GSDME: variants seen among roughly 807,000 people sequenced by gnomAD.
The protein encoded by GSDME is gasdermin-E.
In GSDME, 44 loss-of-function variants were observed where a neutral mutation model predicts 47.5. The observed-to-expected ratio is 0.93, with a 90% CI of 0.73 to 1.19. The LOEUF (loss-of-function observed/expected upper bound fraction) is 1.19. GSDME is among the 50% of genes most tolerant of loss of function. The pLI, the probability that GSDME is intolerant of heterozygous loss-of-function variation, is 0.00. For missense variants in GSDME, 663 were observed against 604.2 expected (o/e 1.10, Z -1.02); for synonymous variants, 258 against 252.8 (o/e 1.02, Z -0.20).
chr7:24,764,286 A>C, the GSDME span, among the ~76,000 whole-genome samples: 1 of 152,240 alleles, frequency 6.6e-6, no homozygotes, highest in East Asian at 1.9e-4. This position sits in a 1 kb window ranked among gnomAD's most constrained non-coding sequence, Gnocchi z 4.4. Flanking sequence ...GATGGAAAAG[A>C]AAACAACCCT....
intron 6 of GSDME, among the ~76,000 whole-genome samples, chr7:24,709,957 C>A (rs1196713354): frequency 6.6e-6 from 1 of 152,200 alleles, no homozygotes; most frequent in Non-Finnish European, 1.5e-5. Flanking sequence ...CCCCTGACTG[C>A]CTCACTCTTC....
chr7:24,708,273 C>G lies in GSDME; in HGVS notation c.863-19G>C. On this transcript the variant is annotated intron_variant, in intron 6 of 9. Transcript: ENST00000645220. ...AGGGTCGCTGTGAAAACAAAGCACACCCAAGTCTCATGACTGCGATGCACA... is the reference window on the plus strand; with the variant it reads ...AGGGTCGCTGTGAAAACAAAGCACAGCCAAGTCTCATGACTGCGATGCACA... The G allele has an allele frequency of 6.2e-7, 1 of 1,613,802 alleles. No homozygotes were observed. The highest frequency in any genetic ancestry group is 8.5e-7 in the Non-Finnish European group (1 of 1,180,014).
At position 24,710,336 on chromosome 7, in the gene GSDME, A is replaced by G; in HGVS notation, c.750T>C (p.Ile250=). ...CCAGGGGGTCCAGGTAGACAGAGTC[A>G]ATTCTCTTCTTGTTCTCGAAGCCAC... ...KQGGFENKKR[I]DSVYLDPLVF... is the part of the protein sequence containing the mutation. The change falls in exon 6 of 10, where the codon ATT becomes ATC. Residue 250 remains isoleucine, a synonymous_variant. Coordinates refer to ENST00000645220, the MANE Select transcript of GSDME (RefSeq NM_001127453.2). 6.2e-7 allele frequency: 1 copy of G among 1,614,264 alleles called. No individual in the cohort carries two copies. Among genetic ancestry groups the G allele is most frequent in the South Asian group, 1.1e-5 (1 of 91,080 alleles).
In GSDME at chr7:24,706,403, A is replaced by G. The variant is rs2269812; in HGVS notation, c.991-27T>C. 0.15 allele frequency: 234,105 copies of G among 1,605,302 alleles called. 18,573 individuals are homozygous for G. The highest frequency in any genetic ancestry group is 0.28 in the Admixed American group (16,608 of 58,978). ...TGTAGGGCAGGGAAGAAGAAGGGTC[A>G]TGACACAGCTGGAGACCAAGCGCCA... On this transcript the variant is annotated intron_variant, in intron 7 of 9. Coordinates refer to ENST00000645220, the MANE Select transcript of GSDME (RefSeq NM_001127453.2).
chr7:24,763,032 C>G, the GSDME span, among the ~76,000 whole-genome samples: 1 of 152,158 alleles, frequency 6.6e-6, no homozygotes, highest in Admixed American at 6.5e-5. This position sits in a 1 kb window ranked among gnomAD's most constrained non-coding sequence, Gnocchi z 4.3. Flanking sequence ...AGGATGCATT[C>G]CAACACTCCC....
chr7:24,699,447 A>ATTCTT (rs1554321067), intron 9 of GSDME, among the ~76,000 whole-genome samples, 188 bp from the exon 10 acceptor site: 1 of 152,092 alleles, frequency 6.6e-6, no homozygotes, highest in East Asian at 1.9e-4. Context: ...GGTTCAAGCG[A>ATTCTT]TTCTTTTGCC....
chr7:24,698,987 C>T lies in GSDME; in HGVS notation c.*39G>A, dbSNP rs1788746000. ...GACCTTTAACAGTTCTGAAAAATAG[C>T]CTTGGCCAGTAACACGTACTTCTAG... On this transcript the variant is annotated 3_prime_UTR_variant, in exon 10 of 10. Coordinates refer to ENST00000645220, the MANE Select transcript of GSDME (RefSeq NM_001127453.2). The T allele has an allele frequency of 2.1e-6, 3 of 1,398,146 alleles. No individual in the cohort carries two copies. Among genetic ancestry groups the T allele is most frequent in the African/African-American group, 1.4e-5 (1 of 70,368 alleles). The allele number at this position is 1,398,146 out of a possible 1,614,324, so 86.6% of individuals were successfully genotyped here.
At chr7:24,748,130 A>C (rs898529784) in intron 2 of GSDME, among the ~76,000 whole-genome samples, 7 of 147,728 alleles carry the variant, frequency 4.7e-5, no homozygotes, top group Non-Finnish European at 7.4e-5. Flanking sequence ...AGGAGTGTAT[A>C]AAAATTATAT....
At chr7:24,773,612 T>A in the GSDME span, among the ~76,000 whole-genome samples, 17 of 152,362 alleles carry the variant, frequency 1.1e-4, no homozygotes, top group East Asian at 3.3e-3. The surrounding 1 kb of genome is among the most constrained non-coding windows in gnomAD (Gnocchi z 5.4). Flanking sequence ...CACAGTCATG[T>A]TGTAACTTGT....
intron 7 of GSDME, 122 bp from the exon 8 acceptor site, chr7:24,706,498 C>T (rs771524227): frequency 1.1e-5 from 10 of 903,254 alleles, no homozygotes; most frequent in Admixed American, 2.5e-5. Context: ...AAGTACGACC[C>T]GCAGCTCTTC....
intron 2 of GSDME, among the ~76,000 whole-genome samples, chr7:24,748,298 T>G (rs1790744137): frequency 1.3e-5 from 2 of 151,976 alleles, no homozygotes; most frequent in South Asian, 4.2e-4. Flanking sequence ...TAGCTGGGAT[T>G]ACAGGTGCCT....
rs1341452932 is a variant in GSDME, at chr7:24,725,539, A to T, written c.405-6321T>A. On this transcript the variant is annotated intron_variant, in intron 3 of 9. Transcript: ENST00000645220. The surrounding 1 kb of genome is among the most constrained non-coding windows in gnomAD (Gnocchi z 5.1). The stretch of plus-strand genomic sequence containing the variant: ...CAAGAGCCAAGCTCTTGAGTGAGCA[A>T]TTCCTGTCCCGTTTAAGGGCTCACA... 6.6e-6 allele frequency among the ~76,000 whole-genome samples: 1 copy of T among 152,050 alleles called. No homozygotes were observed. The highest frequency in any genetic ancestry group is 6.6e-5 in the Admixed American group (1 of 15,262).
chr7:24,747,554 A>G (rs1380914382), intron 2 of GSDME, among the ~76,000 whole-genome samples: 1 of 152,250 alleles, frequency 6.6e-6, no homozygotes, highest in Non-Finnish European at 1.5e-5. Flanking sequence ...CAAGTGTTCA[A>G]AAAGTTTCCA....
rs187320686 is a variant in GSDME at position 24,712,740 on chromosome 7, C to G, written c.698-2352G>C. On this transcript the variant is annotated intron_variant, in intron 5 of 9. Transcript: ENST00000645220. The surrounding 1 kb of genome is among the most constrained non-coding windows in gnomAD (Gnocchi z 4.4). ...CAACAGACAGATTAACAAGAGAGGC[C>G]AGGCACGGTGGCTCACACCTATAAT... Among the ~76,000 whole-genome samples, 16 of 152,282 alleles carry G rather than the reference C, an allele frequency of 1.1e-4. 1 individual carries two copies. The highest frequency in any genetic ancestry group is 3.6e-4 in the African/African-American group (15 of 41,544).
At chr7:24,713,818 CTG>C (rs1235036084) in intron 5 of GSDME, among the ~76,000 whole-genome samples, 1 of 152,198 alleles carries the variant, frequency 6.6e-6, no homozygotes. Context: ...AGTTACGAGT[CTG>C]TGGCAGAGCC....
chr7:24,702,836 G>A lies in GSDME; in HGVS notation c.1184-3C>T. 6.2e-7 allele frequency: 1 copy of A among 1,612,332 alleles called. No individual in the cohort carries two copies. Among genetic ancestry groups the A allele is most frequent in the South Asian group, 1.1e-5 (1 of 90,976 alleles). ...AGCTGCTGCGCTATCTGGCATTTCTGCAGGAGAGAAAAATCACAGTCACAG... is the reference window on the plus strand; with the variant it reads ...AGCTGCTGCGCTATCTGGCATTTCTACAGGAGAGAAAAATCACAGTCACAG... On this transcript the variant is annotated splice_polypyrimidine_tract_variant and splice_region_variant and intron_variant, in intron 8 of 9. Coordinates refer to ENST00000645220, the MANE Select transcript of GSDME (RefSeq NM_001127453.2).
chr7:24,773,578 G>A, the GSDME span, among the ~76,000 whole-genome samples: 3 of 152,180 alleles, frequency 2.0e-5, no homozygotes, highest in East Asian at 1.9e-4. This position sits in a 1 kb window ranked among gnomAD's most constrained non-coding sequence, Gnocchi z 5.4. Flanking sequence ...CAGATCTAAC[G>A]AATTTTTAAG....
Position 24,728,306 on chromosome 7 carries a change from C to T in GSDME, c.405-9088G>A, listed in dbSNP as rs531812706. 3.3e-5 allele frequency among the ~76,000 whole-genome samples: 5 copies of T among 152,278 alleles called. No individual in the cohort carries two copies. The South Asian group carries it at 8.3e-4, about 25-fold the overall frequency. ...GGACAGATGGCGGCTGCCACAGGGGCCCACAGAGCCACCGAACTGACCTTC... is the reference window on the plus strand; with the variant it reads ...GGACAGATGGCGGCTGCCACAGGGGTCCACAGAGCCACCGAACTGACCTTC... On this transcript the variant is annotated intron_variant, in intron 3 of 9. Coordinates refer to ENST00000645220, the MANE Select transcript of GSDME (RefSeq NM_001127453.2). The surrounding 1 kb of genome is among the most constrained non-coding windows in gnomAD (Gnocchi z 7.2).
the GSDME span, among the ~76,000 whole-genome samples, chr7:24,790,128 T>A: frequency 6.6e-6 from 1 of 152,174 alleles, no homozygotes; most frequent in Admixed American, 6.5e-5. This position sits in a 1 kb window ranked among gnomAD's most constrained non-coding sequence, Gnocchi z 4.1. Flanking sequence ...TAGACAGCAA[T>A]TAGTAACCCC....
Sources: allele counts gnomAD v4.1 joint callset (sites outside exome capture counted in the v4.1 genomes callset), GRCh38; gene constraint gnomAD v4.1.1; non-coding constraint Gnocchi (gnomAD v3.1); transcripts MANE v1.5; gene names NCBI Gene and HGNC (gene_info 2026-07-23, HGNC 2026-07-21).